Variants in UNC79 observed in about 807,000 individuals in gnomAD.
UNC79 encodes unc-79 subunit of NALCN channel complex.
A neutral mutation model predicts 283.1 loss-of-function variants in UNC79; 37 were observed. The ratio of observed to expected loss-of-function variants is 0.13; its 90% CI spans 0.10 to 0.17. The LOEUF is 0.17. UNC79 is among the 10% of genes least tolerant of loss of function. The pLI is 1.00. For missense variants in UNC79, 2,272 were observed against 3,211.1 expected (o/e 0.71, Z 7.07); for synonymous variants, 1,107 against 1,200.2 (o/e 0.92, Z 1.61).
At chr14:93,659,424 A>T (rs2071299089) in intron 39 of UNC79, among the ~76,000 whole-genome samples, 163 bp downstream of exon 42, 1 of 151,974 alleles carries the variant, frequency 6.6e-6, no homozygotes, top group South Asian at 2.1e-4. Flanking sequence ...TGTATAAAGA[A>T]CTCTATCTAA....
chr14:93,465,246 A>G (rs550234149), intron 1 of UNC79, among the ~76,000 whole-genome samples: 1 of 152,290 alleles, frequency 6.6e-6, no homozygotes, highest in East Asian at 1.9e-4. Flanking sequence ...GTGTACATAT[A>G]TATGCAGATA....
chr14:93,618,063 C>A, intron 28 of UNC79, 129 bp from the exon 30 acceptor site: 1 of 960,028 alleles, frequency 1.0e-6, no homozygotes, highest in South Asian at 2.1e-5. Flanking sequence ...TTTGTTTCTA[C>A]TTCTCTCTCT....
chr14:93,575,130 G>A, exon 17 of UNC79: 1 of 1,613,962 alleles, frequency 6.2e-7, no homozygotes, highest in East Asian at 2.2e-5. Flanking sequence ...AGTTAATTCA[G>A]TCAAAGAGCT....
intron 7 of UNC79, among the ~76,000 whole-genome samples, chr14:93,498,146 T>TA (rs2059105262): frequency 1.7e-3 from 1 of 588 alleles, no homozygotes; most frequent in South Asian, 0.062. Context: ...CTTGTGCCTG[T>TA]AATCCAGCTA....
At chr14:93,370,330 G>A (rs2054416304) in intron 1 of UNC79, among the ~76,000 whole-genome samples, 1 of 152,152 alleles carries the variant, frequency 6.6e-6, no homozygotes, top group Non-Finnish European at 1.5e-5. Flanking sequence ...AGAACAGAGG[G>A]ACAATGTAAG....
In UNC79 at chr14:93,573,074, T is replaced by C. The variant is rs561032854; in HGVS notation, c.2070+258T>C. Among the ~76,000 whole-genome samples the C allele has an allele frequency of 2.6e-5, 4 of 152,350 alleles. No individual in the cohort carries two copies. In the East Asian group the frequency reaches 5.8e-4, roughly 22 times the overall value. On this transcript the variant is annotated intron_variant, in intron 16 of 48. Coordinates refer to ENST00000555664, the Ensembl canonical transcript of UNC79. ...AGTAGCTTTAGGTCCTTTTGTATTTTTCCATCAATAGCTATTAAAAGTACA... is the reference window on the plus strand; with the variant it reads ...AGTAGCTTTAGGTCCTTTTGTATTTCTCCATCAATAGCTATTAAAAGTACA...
intron 1 of UNC79, among the ~76,000 whole-genome samples, chr14:93,419,402 C>T (rs567553839): frequency 1.3e-5 from 2 of 151,490 alleles, no homozygotes; most frequent in Admixed American, 6.6e-5. Context: ...CTCCTGACCT[C>T]GTGATCCACC....
At chr14:93,355,944 T>C (rs2054077481) in intron 1 of UNC79, among the ~76,000 whole-genome samples, 1 of 152,134 alleles carries the variant, frequency 6.6e-6, no homozygotes, top group South Asian at 2.1e-4. Context: ...TTGGATAACC[T>C]GCCCATCTCC....
At chr14:93,518,683 A>C (rs891309904) in intron 7 of UNC79, among the ~76,000 whole-genome samples, 3 of 151,864 alleles carry the variant, frequency 2.0e-5, no homozygotes, top group African/African-American at 7.2e-5. Context: ...TTTAGCTATA[A>C]ATTTCCATTT....
At chr14:93,578,768 A>G (rs960621851) in intron 18 of UNC79, among the ~76,000 whole-genome samples, 3 of 152,224 alleles carry the variant, frequency 2.0e-5, no homozygotes, top group Non-Finnish European at 4.4e-5. Flanking sequence ...TTATAGTACT[A>G]CTACATAACT....
chr14:93,609,694 A>T (rs1275918278), intron 26 of UNC79, among the ~76,000 whole-genome samples: 1 of 152,224 alleles, frequency 6.6e-6, no homozygotes, highest in Non-Finnish European at 1.5e-5. Context: ...TGGAAATTTC[A>T]TACCTTTTCT....
chr14:93,613,476 C>T (rs909614627), intron 27 of UNC79, among the ~76,000 whole-genome samples: 40 of 91,344 alleles, frequency 4.4e-4, no homozygotes, highest in Non-Finnish European at 7.3e-4. Flanking sequence ...AGTGCAGTGG[C>T]GTGATCTCAG....
At chr14:93,442,761 A>G (rs1056881351) in intron 1 of UNC79, among the ~76,000 whole-genome samples, 9 of 152,136 alleles carry the variant, frequency 5.9e-5, no homozygotes, top group Non-Finnish European at 1.2e-4. Context: ...CTAAGAATAT[A>G]CAGTCATGTA....
intron 1 of UNC79, among the ~76,000 whole-genome samples, chr14:93,403,732 A>C (rs553181309): frequency 5.2e-4 from 79 of 152,334 alleles, no homozygotes; most frequent in African/African-American, 1.9e-3. Flanking sequence ...TTTATCAACC[A>C]CAAGAAGAAG....
chr14:93,550,877 C>G (rs1012664587), intron 14 of UNC79, among the ~76,000 whole-genome samples: 2 of 152,102 alleles, frequency 1.3e-5, no homozygotes, highest in Non-Finnish European at 2.9e-5. Flanking sequence ...CTCCTTGGCT[C>G]TCCATGTAAT....
upstream of UNC79, among the ~76,000 whole-genome samples, chr14:93,425,480 C>G (rs1452667810): frequency 3.6e-4 from 55 of 152,268 alleles, no homozygotes; most frequent in Non-Finnish European, 8.8e-5. Context: ...CTTATAAAGA[C>G]TTATTATAAA....
intron 1 of UNC79, among the ~76,000 whole-genome samples, chr14:93,367,945 A>G (rs1187464514): frequency 1.3e-5 from 2 of 152,256 alleles, no homozygotes; most frequent in Non-Finnish European, 2.9e-5. Context: ...ATCAGAGTCA[A>G]TGTGAGAGGA....
Position 93,347,085 on chromosome 14 carries a change from G to A in UNC79, c.-351+13562G>A, listed in dbSNP as rs554720579. ...CAGTACAGAGAAAGGAGTGGTGAGC[G>A]GAAGAGGCGGGGCAGAGCAGGAGGT... On this transcript the variant is annotated intron_variant, in intron 1 of 49. Coordinates refer to the UNC79 transcript ENST00000256339. 3.0e-4 allele frequency: 175 copies of A among 579,414 alleles called. 2 individuals are homozygous for A. Among genetic ancestry groups the A allele is most frequent in the South Asian group, 6.5e-4 (26 of 40,220 alleles). 35.9% of individuals were successfully genotyped at this position (579,414 alleles called of 1,614,324 possible).
chr14:93,562,594 T>A (rs1286584489), intron 14 of UNC79, among the ~76,000 whole-genome samples: 1 of 152,162 alleles, frequency 6.6e-6, no homozygotes, highest in Non-Finnish European at 1.5e-5. Context: ...CTACCTTTCC[T>A]GAAGATTGAG....
Sources: allele counts gnomAD v4.1 joint callset (sites outside exome capture counted in the v4.1 genomes callset), GRCh38; gene constraint gnomAD v4.1.1; transcripts MANE v1.5; gene names NCBI Gene and HGNC (gene_info 2026-07-23, HGNC 2026-07-21).